Variants in KLHL2 observed in about 807,000 individuals in gnomAD.
KLHL2 encodes kelch like family member 2.
KLHL2 carries 15 observed loss-of-function variants against 75.8 expected under a neutral mutation model. That is an observed-to-expected ratio of 0.20 (90% confidence interval 0.13 to 0.30). KLHL2 has a LOEUF of 0.30. KLHL2 is among the 10% of genes least tolerant of loss of function. The pLI, the probability that KLHL2 is intolerant of heterozygous loss-of-function variation, is 1.00. For missense variants in KLHL2, 381 were observed against 741.0 expected (o/e 0.51, Z 5.64); for synonymous variants, 214 against 251.9 (o/e 0.85, Z 1.42).
intron 4 of KLHL2, among the ~76,000 whole-genome samples, chr4:165,262,575 G>C (rs1222877821): frequency 6.6e-6 from 1 of 151,984 alleles, no homozygotes; most frequent in Non-Finnish European, 1.5e-5. Context: ...GGCTTTTGTT[G>C]TTGTTGTTTT....
intron 5 of KLHL2, among the ~76,000 whole-genome samples, chr4:165,271,705 A>G (rs754739845): frequency 2.6e-5 from 4 of 152,196 alleles, no homozygotes; most frequent in Non-Finnish European, 4.4e-5. Flanking sequence ...TTTTTAAACT[A>G]TATTTCTGGA....
At chr4:165,279,247 A>G in intron 5 of KLHL2, 2 of 1,532,978 alleles carry the variant, frequency 1.3e-6, no homozygotes, top group Non-Finnish European at 9.0e-7. Context: ...CAAAGTTATT[A>G]TTTCCTGGAA....
rs1463824102 is a variant in KLHL2, at chr4:165,299,546, TG to T, written c.812del (p.Cys271SerfsTer9). On this transcript the variant is annotated frameshift_variant, in exon 8 of 15. Transcript: ENST00000226725. LOFTEE classifies it high-confidence loss of function. ...EEALVKNSSA[C>X]KDYLIEAMKY... ...AGCATTGGTCAAGAATAGCAGTGCTTGCAAAGATTACCTCATTGAAGCAATG... is the reference window on the plus strand; with the variant it reads ...AGCATTGGTCAAGAATAGCAGTGCTTCAAAGATTACCTCATTGAAGCAATG... 1 of 1,613,734 alleles carries T rather than the reference TG, an allele frequency of 6.2e-7. No homozygotes were observed. The highest frequency in any genetic ancestry group is 8.5e-7 in the Non-Finnish European group (1 of 1,179,838).
intron 2 of KLHL2, among the ~76,000 whole-genome samples, chr4:165,221,010 G>A (rs1737945585): frequency 6.6e-6 from 1 of 152,134 alleles, no homozygotes; most frequent in Admixed American, 6.5e-5. Context: ...CTGAAATGCT[G>A]AAAGCCTGGC....
intron 4 of KLHL2, chr4:165,240,198 G>GT (rs1440599013): frequency 6.6e-6 from 1 of 152,212 alleles, no homozygotes; most frequent in African/African-American, 2.4e-5. Flanking sequence ...GGGACACTGT[G>GT]TTTTGAGGAC....
At chr4:165,292,092 G>T (rs1226997835) in intron 5 of KLHL2, among the ~76,000 whole-genome samples, 2 of 151,950 alleles carry the variant, frequency 1.3e-5, no homozygotes, top group African/African-American at 2.4e-5. Context: ...CAATATTTTT[G>T]ATTTGAGGTT....
chr4:165,266,645 T>C (rs564156522), intron 5 of KLHL2, among the ~76,000 whole-genome samples: 1 of 152,336 alleles, frequency 6.6e-6, no homozygotes, highest in East Asian at 1.9e-4. Context: ...TGTGGTGTTA[T>C]TTCTGAGGCC....
At position 165,319,047 on chromosome 4, in the gene KLHL2, T is replaced by C. The variant is rs1323901312; in HGVS notation, c.1753+1078T>C. ...GTGTCATTCACAGTCCAGAGAAATG[T>C]GAACAAACCACAAAGATACAATATT... On this transcript the variant is annotated intron_variant, in intron 14 of 14. Coordinates refer to ENST00000226725, the MANE Select transcript of KLHL2 (RefSeq NM_007246.4). The surrounding 1 kb of genome is among the most constrained non-coding windows in gnomAD (Gnocchi z 4.5). Among the ~76,000 whole-genome samples, 3 of 152,186 alleles carry C rather than the reference T, an allele frequency of 2.0e-5. No homozygotes were observed. Among genetic ancestry groups the C allele is most frequent in the African/African-American group, 7.2e-5 (3 of 41,440 alleles).
intron 10 of KLHL2, among the ~76,000 whole-genome samples, chr4:165,311,109 G>T (rs184492204): frequency 6.6e-6 from 1 of 151,948 alleles, no homozygotes; most frequent in Admixed American, 6.5e-5. Flanking sequence ...CGCCCACCTC[G>T]GCCTCCCAAA....
At chr4:165,275,667 C>G (rs964036049) in intron 5 of KLHL2, among the ~76,000 whole-genome samples, 1 of 152,188 alleles carries the variant, frequency 6.6e-6, no homozygotes, top group African/African-American at 2.4e-5. Flanking sequence ...TGCTCGAACT[C>G]CTGGCCTTAA....
intron 8 of KLHL2, among the ~76,000 whole-genome samples, chr4:165,300,527 T>C (rs1187000034): frequency 6.6e-6 from 1 of 152,194 alleles, no homozygotes; most frequent in Non-Finnish European, 1.5e-5. Flanking sequence ...GTTCATATTT[T>C]CCTATGTGAA....
chr4:165,316,223 T>C (rs1746578583), intron 13 of KLHL2, among the ~76,000 whole-genome samples: 2 of 152,186 alleles, frequency 1.3e-5, no homozygotes, highest in African/African-American at 4.8e-5. Context: ...TGCTCTTTAA[T>C]CTGTGAGCCC....
At chr4:165,212,709 T>A (rs1457446522) in intron 1 of KLHL2, among the ~76,000 whole-genome samples, 2 of 152,110 alleles carry the variant, frequency 1.3e-5, no homozygotes, top group Non-Finnish European at 2.9e-5. Flanking sequence ...AGAAGTAGAG[T>A]TTAAGTTACT....
At chr4:165,311,589 G>A in intron 11 of KLHL2, 24 bp downstream of exon 11, 1 of 1,532,308 alleles carries the variant, frequency 6.5e-7, no homozygotes, top group Non-Finnish European at 9.0e-7. Context: ...GTTCTTTCAG[G>A]TACATGTGGC....
chr4:165,296,647 G>A (rs1024949899), intron 6 of KLHL2, among the ~76,000 whole-genome samples: 1 of 152,098 alleles, frequency 6.6e-6, no homozygotes, highest in Non-Finnish European at 1.5e-5. Context: ...AGAGGATGTT[G>A]AAGTCATACC....
At chr4:165,222,821 TC>T (rs1738108614) in intron 2 of KLHL2, among the ~76,000 whole-genome samples, 1 of 152,194 alleles carries the variant, frequency 6.6e-6, no homozygotes, top group Non-Finnish European at 1.5e-5. Flanking sequence ...AGGGAAAACT[TC>T]CTTGTTCTCA....
At position 165,318,108 on chromosome 4, in the gene KLHL2, AT is replaced by A. The variant is rs989111433; in HGVS notation, c.1753+141del. 1.1e-4 allele frequency: 81 copies of A among 742,758 alleles called. No homozygotes were observed. The African/African-American group carries it at 1.4e-3, about 13-fold the overall frequency. The allele number at this position is 742,758 out of a possible 1,614,324, so 46.0% of individuals were successfully genotyped here. On this transcript the variant is annotated intron_variant, in intron 14 of 14. Transcript: ENST00000226725. ...ATATCTTATTCTTAAGATGATTAAC[AT>A]TGGCTGTGTATATTCTGAAATAAAG...
chr4:165,238,451 A>G (rs1739537490), intron 3 of KLHL2, among the ~76,000 whole-genome samples: 1 of 152,182 alleles, frequency 6.6e-6, no homozygotes, highest in Non-Finnish European at 1.5e-5. Flanking sequence ...CTGGAAATCC[A>G]TAAAGACAAC....
chr4:165,309,137 A>G (rs997964261), intron 9 of KLHL2, among the ~76,000 whole-genome samples: 1 of 152,232 alleles, frequency 6.6e-6, no homozygotes, highest in Non-Finnish European at 1.5e-5. Flanking sequence ...GGACATAAAC[A>G]TTATAGAACT....
Sources: gnomAD v4.1 joint callset for allele counts (sites outside exome capture counted in the v4.1 genomes callset) on GRCh38, gnomAD v4.1.1 for gene constraint, Gnocchi (gnomAD v3.1) non-coding constraint, MANE v1.5 for transcripts, NCBI Gene and HGNC (gene_info 2026-07-23, HGNC 2026-07-21) for gene names.